The following ABCB11 variants were observed in gnomAD, a reference collection of about 807,000 sequenced individuals.
ABCB11 encodes ATP binding cassette subfamily B member 11, also known as bile salt export pump.
Under a neutral mutation model 148.0 loss-of-function variants are expected in ABCB11, and 95 were observed. The observed-to-expected ratio is 0.64, with a 90% CI of 0.54 to 0.76. ABCB11 has a LOEUF of 0.76. Ranked by LOEUF, ABCB11 falls within the 30% of genes least tolerant of loss-of-function variation. The pLI is 0.00. For synonymous variants in ABCB11, 591 were observed against 555.4 expected, an observed-to-expected ratio of 1.06 and a Z score of -0.90; for missense variants, 1,523 against 1,617.8, an observed-to-expected ratio of 0.94 and a Z score of 1.01.
chr2:168,943,552 G>C (rs1480143844), intron 21 of ABCB11, among the ~76,000 whole-genome samples: 1 of 151,982 alleles, frequency 6.6e-6, no homozygotes. Context: ...GTTCACCTTA[G>C]ATTATTTCAG....
rs928367957 is a variant in ABCB11 at position 168,935,041 on chromosome 2, A to T, written c.3056+143T>A. 3 of 1,245,010 alleles carry T rather than the reference A, an allele frequency of 2.4e-6. No individual in the cohort carries two copies. In the African/African-American group the frequency reaches 4.5e-5, roughly 19 times the overall value. 77.1% of individuals were successfully genotyped at this position (1,245,010 alleles called of 1,614,324 possible). A position where few individuals can be genotyped will look rare whatever the true frequency, so the allele number is the denominator to read the frequency against. On this transcript the variant is annotated intron_variant, in intron 23 of 27. Coordinates refer to ENST00000650372, the MANE Select transcript of ABCB11 (RefSeq NM_003742.4). ...GAAGAACCGCCCTGATGACCCACAG[A>T]ATCTTGAGAAATAATTAATCCCAGC...
At chr2:168,969,237 G>C (rs930681977) in intron 16 of ABCB11, 113 bp downstream of exon 16, 4 of 974,618 alleles carry the variant, frequency 4.1e-6, no homozygotes, top group African/African-American at 1.6e-5. Context: ...TCTATATAAC[G>C]CCTGCCAGAG....
At position 168,923,224 on chromosome 2, in the gene ABCB11, G is replaced by A. The variant is rs147741834; in HGVS notation, c.*398C>T. 6 of 207,130 alleles carry A rather than the reference G, an allele frequency of 2.9e-5. No homozygotes were observed. The highest frequency in any genetic ancestry group is 4.9e-5 in the Non-Finnish European group (5 of 102,140). The allele number at this position is 207,130 out of a possible 1,614,324, so 12.8% of individuals were successfully genotyped here. A position where few individuals can be genotyped will look rare whatever the true frequency, so the allele number is the denominator to read the frequency against. ...TTATAGACCCGCCTCTGTGTACACCGAGGGTTCAAAAATGAAAGACAGTTC... is the reference window on the plus strand; with the variant it reads ...TTATAGACCCGCCTCTGTGTACACCAAGGGTTCAAAAATGAAAGACAGTTC... On this transcript the variant is annotated 3_prime_UTR_variant, in exon 28 of 28. Coordinates refer to ENST00000650372, the MANE Select transcript of ABCB11 (RefSeq NM_003742.4).
At chr2:168,920,288 A>G (rs1456356709), downstream of ABCB11, among the ~76,000 whole-genome samples, 11 of 152,088 alleles carry the variant, frequency 7.2e-5, no homozygotes, top group Non-Finnish European at 1.6e-4. Context: ...TTTATTTATT[A>G]TATTCAGTAT....
rs746248437 is a variant in ABCB11 at position 168,993,839 on chromosome 2, G to C, written c.655C>G (p.Leu219Val). 1 of 1,611,344 alleles carries C rather than the reference G, an allele frequency of 6.2e-7. No individual in the cohort carries two copies. Among genetic ancestry groups the C allele is most frequent in the Middle Eastern group, 1.7e-4 (1 of 6,040 alleles). The change falls in exon 8 of 28, where the codon CTT becomes GTT. Residue 219 changes from leucine (L) to valine (V), a missense_variant. By Grantham distance (32) the Leu-to-Val change is conservative. Coordinates refer to ENST00000650372, the MANE Select transcript of ABCB11 (RefSeq NM_003742.4). ...INDAIADQMALFIQRMTSTIC... is the reference protein window; with the variant it reads ...INDAIADQMAVFIQRMTSTIC... ...GTCGAGGTCATGCGCTGAATGAAAA[G>C]GGCCATTTGGTCAGCTATGGCATCA...
At chr2:168,950,970 G>T (rs916912115) in intron 19 of ABCB11, among the ~76,000 whole-genome samples, 7 of 151,552 alleles carry the variant, frequency 4.6e-5, no homozygotes, top group Middle Eastern at 3.4e-3. Context: ...AGAGGTATGG[G>T]TCTAATTTCT....
rs1308173616 is a variant in ABCB11, at chr2:168,932,393, G to A, written c.3197C>T (p.Thr1066Ile). ...AACACTTACCCATTTTTCACCTGCA[G>A]TATTGTATACACTGATTGGGGGTTG... ...DRQPPISVYN[T>I]AGEKWDNFQG... The change falls in exon 24 of 28, where the codon ACT becomes ATT. Residue 1066 changes from threonine (T) to isoleucine (I), a missense_variant. Coordinates refer to ENST00000650372, the MANE Select transcript of ABCB11 (RefSeq NM_003742.4). 1 of 1,564,982 alleles carries A rather than the reference G, an allele frequency of 6.4e-7. No individual in the cohort carries two copies. The highest frequency in any genetic ancestry group is 8.7e-7 in the Non-Finnish European group (1 of 1,154,214).
At chr2:169,024,920 A>G (rs1224012503) in intron 1 of ABCB11, among the ~76,000 whole-genome samples, 2 of 152,184 alleles carry the variant, frequency 1.3e-5, no homozygotes, top group African/African-American at 2.4e-5. Context: ...ACCAGATTCA[A>G]AGTTATTTTA....
At chr2:168,936,616 A>G (rs536719738) in intron 21 of ABCB11, among the ~76,000 whole-genome samples, 183 bp from the exon 22 acceptor site, 1 of 152,202 alleles carries the variant, frequency 6.6e-6, no homozygotes, top group African/African-American at 2.4e-5. Context: ...ACCATCACAC[A>G]TCTATACCTA....
intron 19 of ABCB11, among the ~76,000 whole-genome samples, chr2:168,947,263 C>T (rs1054860439): frequency 6.6e-6 from 1 of 151,786 alleles, no homozygotes. Flanking sequence ...GGAAATTTAT[C>T]AAGGATAAAT....
chr2:168,997,076 A>T (rs1451391579), intron 5 of ABCB11, among the ~76,000 whole-genome samples: 1 of 152,016 alleles, frequency 6.6e-6, no homozygotes, highest in Non-Finnish European at 1.5e-5. Flanking sequence ...GGTCCACTTT[A>T]GTCTCTTCCA....
chr2:168,984,132 C>T (rs1694231881), intron 10 of ABCB11, among the ~76,000 whole-genome samples: 1 of 151,982 alleles, frequency 6.6e-6, no homozygotes, highest in South Asian at 2.1e-4. Context: ...CAAGAGAGAG[C>T]CATAAGCTAA....
At chr2:169,025,684 T>C (rs544786131) in intron 1 of ABCB11, among the ~76,000 whole-genome samples, 1 of 152,362 alleles carries the variant, frequency 6.6e-6, no homozygotes, top group East Asian at 1.9e-4. Context: ...ACAAATAGTT[T>C]TTGTGGTTTC....
intron 19 of ABCB11, among the ~76,000 whole-genome samples, chr2:168,953,121 C>T (rs1309836515): frequency 1.3e-5 from 2 of 151,526 alleles, no homozygotes; most frequent in African/African-American, 2.4e-5. Flanking sequence ...TGTTTTGTGG[C>T]CTAATATCTG....
intron 5 of ABCB11, among the ~76,000 whole-genome samples, chr2:168,998,812 C>T (rs1694792794): frequency 6.6e-6 from 1 of 152,082 alleles, no homozygotes; most frequent in Non-Finnish European, 1.5e-5. Flanking sequence ...TTATCACTCT[C>T]TTCACTCCTG....
chr2:169,000,754 C>A (rs1694845721), intron 5 of ABCB11, among the ~76,000 whole-genome samples: 2 of 152,000 alleles, frequency 1.3e-5, no homozygotes, highest in African/African-American at 4.8e-5. Flanking sequence ...TTTAGCTATT[C>A]CAGTTTTTTT....
At chr2:168,971,624 G>A (rs1239724270) in intron 14 of ABCB11, among the ~76,000 whole-genome samples, 1 of 151,936 alleles carries the variant, frequency 6.6e-6, no homozygotes, top group Admixed American at 6.6e-5. Context: ...AACAAAGTGA[G>A]CTTTTCAAAA....
intron 21 of ABCB11, among the ~76,000 whole-genome samples, chr2:168,937,717 T>C (rs1297426210): frequency 6.6e-6 from 1 of 152,234 alleles, no homozygotes; most frequent in Admixed American, 6.5e-5. Flanking sequence ...ATTTTTGAAG[T>C]TGATACAAGA....
Position 168,923,814 on chromosome 2 carries a change from C to G in ABCB11, c.3774G>C (p.Gln1258His). ...CCTCTCTGGCTTTGTCTAGAGCAACCTGCACCGTCTGCAAAGAGAAGATGG... is the reference window on the plus strand; with the variant it reads ...CCTCTCTGGCTTTGTCTAGAGCAACGTGCACCGTCTGCAAAGAGAAGATGG... ...ALDTESEKTV[Q>H]VALDKAREGR... Residue 1258 changes from glutamine (Q) to histidine (H), a missense_variant, in exon 28 of 28, where the codon CAG (glutamine) becomes CAC (histidine). Transcript: ENST00000650372. 1 of 1,613,908 alleles carries G rather than the reference C, an allele frequency of 6.2e-7. No homozygotes were observed. The highest frequency in any genetic ancestry group is 1.1e-5 in the South Asian group (1 of 91,072).
Sources: gnomAD v4.1 joint callset for allele counts (sites outside exome capture counted in the v4.1 genomes callset) on GRCh38, gnomAD v4.1.1 for gene constraint, MANE v1.5 for transcripts, NCBI Gene and HGNC (gene_info 2026-07-23, HGNC 2026-07-21) for gene names.